The following MCU variants were observed in gnomAD, a reference collection of about 807,000 sequenced individuals.
The protein encoded by MCU is calcium uniporter protein, mitochondrial.
In MCU, 12 loss-of-function variants were observed where a neutral mutation model predicts 45.2. That is an observed-to-expected ratio of 0.27 (90% CI 0.17 to 0.43). MCU has a LOEUF of 0.43. Ranked by LOEUF, MCU falls within the 20% of genes least tolerant of loss-of-function variation. The probability of loss-of-function intolerance (pLI) is 1.00; values close to 1 mark genes in which losing one functional copy is unlikely to be tolerated. For synonymous variants in MCU, 160 were observed against 165.1 expected (o/e 0.97, Z 0.24); for missense variants, 324 against 436.7 (o/e 0.74, Z 2.30).
intron 1 of MCU, among the ~76,000 whole-genome samples, chr10:72,723,569 A>G (rs926235097): frequency 1.3e-5 from 2 of 152,210 alleles, no homozygotes; most frequent in South Asian, 4.1e-4. Flanking sequence ...ATAAAACCAT[A>G]TAACTTACCA....
At chr10:72,840,858 T>G (rs1420861555) in intron 2 of MCU, among the ~76,000 whole-genome samples, 1 of 152,200 alleles carries the variant, frequency 6.6e-6, no homozygotes, top group African/African-American at 2.4e-5. Flanking sequence ...TGAACTTGTT[T>G]CATCACAGAA....
intron 1 of MCU, among the ~76,000 whole-genome samples, chr10:72,733,694 TATATA>T (rs1843211310): frequency 6.8e-6 from 1 of 146,242 alleles, no homozygotes; most frequent in African/African-American, 2.5e-5. Flanking sequence ...TATATATATA[TATATA>T]TATATTTTTT....
intron 1 of MCU, among the ~76,000 whole-genome samples, chr10:72,778,312 G>T (rs1351888746): frequency 6.6e-6 from 1 of 152,010 alleles, no homozygotes; most frequent in Non-Finnish European, 1.5e-5. Flanking sequence ...AAGAAAATGT[G>T]GTATATATAC....
chr10:72,776,392 A>C lies in MCU; in HGVS notation c.151-57967A>C, dbSNP rs570707950. Among the ~76,000 whole-genome samples the C allele has an allele frequency of 2.0e-5, 3 of 152,370 alleles. No homozygotes were observed. The South Asian group carries it at 6.2e-4, about 32-fold the overall frequency. On this transcript the variant is annotated intron_variant, in intron 1 of 7. Coordinates refer to ENST00000373053, the MANE Select transcript of MCU (RefSeq NM_138357.3). Reference sequence around the variant, plus strand: ...ACCATGATCAAGTGAAATTCATTCCAGTGATATAAGAGAATGATTCAACAC... The same window carrying C: ...ACCATGATCAAGTGAAATTCATTCCCGTGATATAAGAGAATGATTCAACAC...
chr10:72,789,053 G>C (rs1316919215), intron 1 of MCU, among the ~76,000 whole-genome samples: 3 of 152,000 alleles, frequency 2.0e-5, no homozygotes, highest in African/African-American at 7.2e-5. Flanking sequence ...GTTCATTTTT[G>C]CTTTCTAGAA....
intron 1 of MCU, among the ~76,000 whole-genome samples, chr10:72,703,164 A>G (rs1322515404): frequency 6.6e-6 from 1 of 152,202 alleles, no homozygotes; most frequent in Non-Finnish European, 1.5e-5. Flanking sequence ...AGGCTGGACA[A>G]TAGTAGTTAT....
intron 2 of MCU, among the ~76,000 whole-genome samples, chr10:72,836,871 C>T (rs1018287390): frequency 6.6e-6 from 1 of 152,144 alleles, no homozygotes; most frequent in Admixed American, 6.5e-5. Context: ...GCTTAATCCA[C>T]AGCTACTCCA....
chr10:72,717,837 CTG>C (rs2132668603), intron 1 of MCU, among the ~76,000 whole-genome samples: 1 of 152,242 alleles, frequency 6.6e-6, no homozygotes, highest in South Asian at 2.1e-4. Flanking sequence ...GTATTACAAT[CTG>C]TAGATTATGT....
chr10:72,718,147 A>G (rs1020424684), intron 1 of MCU, among the ~76,000 whole-genome samples: 15 of 152,204 alleles, frequency 9.9e-5, no homozygotes, highest in African/African-American at 3.6e-4. Context: ...AGACATTTAT[A>G]TGATCACCTG....
At chr10:72,766,077 G>A (rs1449835924) in intron 1 of MCU, among the ~76,000 whole-genome samples, 1 of 151,898 alleles carries the variant, frequency 6.6e-6, no homozygotes, top group African/African-American at 2.4e-5. Flanking sequence ...ACTGTTTTGC[G>A]GGCTAGTCTT....
intron 1 of MCU, among the ~76,000 whole-genome samples, chr10:72,704,739 G>C (rs528620698): frequency 7.2e-6 from 1 of 138,624 alleles, no homozygotes; most frequent in South Asian, 2.3e-4. Flanking sequence ...TTTTGAGACG[G>C]AGTCTCGCTC....
At chr10:72,802,926 G>A (rs1844364712) in intron 1 of MCU, among the ~76,000 whole-genome samples, 1 of 152,116 alleles carries the variant, frequency 6.6e-6, no homozygotes, top group Non-Finnish European at 1.5e-5. Flanking sequence ...ACCAACAGTG[G>A]TTTCATTCCC....
intron 1 of MCU, among the ~76,000 whole-genome samples, chr10:72,714,345 C>CTTTTTTTATTTTTTTTTT (rs1842931973): frequency 1.8e-5 from 1 of 54,768 alleles, no homozygotes; most frequent in African/African-American, 6.4e-5. Context: ...CCGCCCTGGT[C>CTTTTTTTATTTTTTTTTT]TTTTTTTTTT....
At chr10:72,838,352 G>A (rs184682568) in intron 2 of MCU, among the ~76,000 whole-genome samples, 4 of 152,206 alleles carry the variant, frequency 2.6e-5, no homozygotes, top group Admixed American at 2.0e-4. Flanking sequence ...GGTGGCTCAT[G>A]CCTGTAAACC....
At chr10:72,772,905 G>C (rs1843833222) in intron 1 of MCU, among the ~76,000 whole-genome samples, 1 of 134,002 alleles carries the variant, frequency 7.5e-6, no homozygotes, top group South Asian at 2.8e-4. Context: ...TTGTTTGTTT[G>C]TTTGTTTGTT....
chr10:72,700,629 A>T (rs1480393158), intron 1 of MCU, among the ~76,000 whole-genome samples: 1 of 152,210 alleles, frequency 6.6e-6, no homozygotes, highest in Non-Finnish European at 1.5e-5. Context: ...TATTGATAAA[A>T]ATATAACTTC....
intron 1 of MCU, among the ~76,000 whole-genome samples, chr10:72,719,463 T>C (rs1393129186): frequency 6.6e-6 from 1 of 152,240 alleles, no homozygotes. Context: ...TTTAGTACAG[T>C]AAAGAATGAT....
chr10:72,776,367 A>C (rs1197628106), intron 1 of MCU, among the ~76,000 whole-genome samples: 1 of 152,180 alleles, frequency 6.6e-6, no homozygotes, highest in African/African-American at 2.4e-5. Context: ...AAGATCATTC[A>C]CCATGATCAA....
chr10:72,820,925 T>C (rs191647435), intron 1 of MCU, among the ~76,000 whole-genome samples: 4,402 of 152,038 alleles, frequency 0.029, 85 homozygotes, highest in Admixed American at 0.044. Context: ...TTTTTTTTTT[T>C]CCCCAAGTGG....
Sources: allele counts gnomAD v4.1 joint callset (sites outside exome capture counted in the v4.1 genomes callset), GRCh38; gene constraint gnomAD v4.1.1; transcripts MANE v1.5; gene names NCBI Gene and HGNC (gene_info 2026-07-23, HGNC 2026-07-21).